SCFD2: variants seen among roughly 807,000 people sequenced by gnomAD.
The protein encoded by SCFD2 is sec1 family domain containing 2.
SCFD2 carries 54 observed loss-of-function variants against 58.9 expected under a neutral mutation model. The ratio of observed to expected loss-of-function variants is 0.92; its 90% confidence interval spans 0.74 to 1.15. SCFD2 has a LOEUF of 1.15. SCFD2 is among the 50% of genes most tolerant of loss of function. The probability of loss-of-function intolerance (pLI) is 0.00; values close to 1 mark genes in which losing one functional copy is unlikely to be tolerated. For synonymous variants in SCFD2, 321 were observed against 335.9 expected (o/e 0.96, Z 0.49); for missense variants, 805 against 836.6 (o/e 0.96, Z 0.47).
intron 5 of SCFD2, among the ~76,000 whole-genome samples, chr4:53,057,557 G>T (rs1274528185): frequency 1.3e-5 from 2 of 152,044 alleles, no homozygotes; most frequent in Admixed American, 6.6e-5. Flanking sequence ...GTTGAGGGGT[G>T]GGGGGTGAGG....
chr4:53,250,459 C>T (rs1384559162), intron 4 of SCFD2, among the ~76,000 whole-genome samples: 9 of 152,164 alleles, frequency 5.9e-5, no homozygotes, highest in Non-Finnish European at 1.3e-4. Context: ...ACCTAATAGA[C>T]ATCTACAGAA....
At chr4:52,904,801 G>C (rs886255254) in intron 7 of SCFD2, among the ~76,000 whole-genome samples, 1 of 152,214 alleles carries the variant, frequency 6.6e-6, no homozygotes, top group Non-Finnish European at 1.5e-5. Flanking sequence ...TTTGGAATAA[G>C]AGTGACCTTG....
chr4:53,178,686 CT>C (rs1727432024), intron 4 of SCFD2, among the ~76,000 whole-genome samples: 1 of 152,040 alleles, frequency 6.6e-6, no homozygotes, highest in Admixed American at 6.6e-5. Context: ...AGCCTTCAGA[CT>C]ATCAAACTAC....
At chr4:53,261,155 T>C (rs1730817033) in intron 4 of SCFD2, among the ~76,000 whole-genome samples, 1 of 152,134 alleles carries the variant, frequency 6.6e-6, no homozygotes, top group African/African-American at 2.4e-5. Context: ...ATCAATTTTA[T>C]CTTTCCAAAG....
At chr4:53,282,561 T>G (rs566572896) in intron 3 of SCFD2, among the ~76,000 whole-genome samples, 1 of 152,274 alleles carries the variant, frequency 6.6e-6, no homozygotes, top group African/African-American at 2.4e-5. Flanking sequence ...TTCACAGAGT[T>G]GTACAACCAT....
intron 5 of SCFD2, among the ~76,000 whole-genome samples, chr4:53,027,311 T>C (rs1025724705): frequency 4.6e-5 from 7 of 151,954 alleles, no homozygotes; most frequent in Non-Finnish European, 7.4e-5. Flanking sequence ...CTGGTCCAGC[T>C]CTGAAGTGTC....
chr4:52,937,167 G>T (rs1222550908), intron 5 of SCFD2, among the ~76,000 whole-genome samples: 1 of 152,226 alleles, frequency 6.6e-6, no homozygotes, highest in Non-Finnish European at 1.5e-5. Context: ...AAACACTACA[G>T]ATACCTGGGG....
intron 5 of SCFD2, among the ~76,000 whole-genome samples, chr4:52,979,986 C>T (rs1290192192): frequency 6.6e-6 from 1 of 152,144 alleles, no homozygotes; most frequent in African/African-American, 2.4e-5. Context: ...CTGCTCAGAG[C>T]CATTGCACAG....
intron 4 of SCFD2, among the ~76,000 whole-genome samples, chr4:53,181,160 G>A (rs967516070): frequency 3.3e-5 from 5 of 152,130 alleles, no homozygotes; most frequent in African/African-American, 9.7e-5. Context: ...ATGTTATGAG[G>A]CCAGCATCAT....
chr4:53,181,058 C>T (rs941283570), intron 4 of SCFD2, among the ~76,000 whole-genome samples: 5 of 152,132 alleles, frequency 3.3e-5, no homozygotes, highest in African/African-American at 9.7e-5. Context: ...GATTCACAGC[C>T]GAATTCCACC....
chr4:53,167,962 T>C (rs1393108228), intron 4 of SCFD2, among the ~76,000 whole-genome samples: 1 of 152,250 alleles, frequency 6.6e-6, no homozygotes, highest in Admixed American at 6.5e-5. Flanking sequence ...CTGGATATTA[T>C]GACGGACCCT....
At chr4:53,344,507 G>A (rs1024453951) in intron 2 of SCFD2, among the ~76,000 whole-genome samples, 6 of 152,124 alleles carry the variant, frequency 3.9e-5, no homozygotes, top group East Asian at 1.9e-4. Flanking sequence ...TCAATATCAC[G>A]AAAATGGCCA....
In SCFD2 at chr4:53,072,229, C is replaced by T. The variant is rs145613524; in HGVS notation, c.1561+73104G>A. Among the ~76,000 whole-genome samples, 286 of 152,212 alleles carry T rather than the reference C, an allele frequency of 1.9e-3. 4 individuals carry two copies. The highest frequency in any genetic ancestry group is 2.8e-3 in the Non-Finnish European group (193 of 68,002). ...AGAGAGAAAGGGTACTGTTAGCAATCCAGGCTCTGGTGTTAGTGATACAGG... is the reference window on the plus strand; with the variant it reads ...AGAGAGAAAGGGTACTGTTAGCAATTCAGGCTCTGGTGTTAGTGATACAGG... On this transcript the variant is annotated intron_variant, in intron 5 of 8. Transcript: ENST00000401642.
rs544883041 is a variant in SCFD2 at position 53,114,147 on chromosome 4, G to A, written c.1561+31186C>T. 1.2e-4 allele frequency among the ~76,000 whole-genome samples: 19 copies of A among 152,026 alleles called. No homozygotes were observed. In the South Asian group the frequency reaches 2.3e-3, roughly 18 times the overall value. ...AGACAATAATTGTACATATCTCATC[G>A]GACTGTCATGAGGATTAAATGAGTT... On this transcript the variant is annotated intron_variant, in intron 5 of 8. Coordinates refer to ENST00000401642, the MANE Select transcript of SCFD2 (RefSeq NM_152540.4).
At chr4:53,282,407 A>G (rs1297205727) in intron 3 of SCFD2, among the ~76,000 whole-genome samples, 3 of 151,958 alleles carry the variant, frequency 2.0e-5, no homozygotes, top group Non-Finnish European at 4.4e-5. Context: ...TCTTTCAACT[A>G]TTGTCTGAAG....
chr4:53,320,914 T>C (rs575486567), intron 2 of SCFD2, among the ~76,000 whole-genome samples: 1 of 152,338 alleles, frequency 6.6e-6, no homozygotes, highest in Admixed American at 6.5e-5. Context: ...TCATTGTAGC[T>C]ACCAGAATAC....
intron 5 of SCFD2, among the ~76,000 whole-genome samples, chr4:52,985,658 A>AT (rs1721472739): frequency 6.6e-6 from 1 of 151,592 alleles, no homozygotes; most frequent in African/African-American, 2.4e-5. Context: ...CCAGATGCAA[A>AT]TTTTTTGCTT....
At chr4:53,249,682 A>G (rs1251090487) in intron 4 of SCFD2, among the ~76,000 whole-genome samples, 1 of 152,234 alleles carries the variant, frequency 6.6e-6, no homozygotes, top group African/African-American at 2.4e-5. Context: ...TTTTCAACCC[A>G]GAATTTCATA....
chr4:52,921,413 C>T (rs890181890), intron 5 of SCFD2, among the ~76,000 whole-genome samples: 1 of 152,140 alleles, frequency 6.6e-6, no homozygotes, highest in South Asian at 2.1e-4. Flanking sequence ...CGGTTTTCTG[C>T]AACCTTCTGT....
Sources: gnomAD v4.1 joint callset for allele counts (sites outside exome capture counted in the v4.1 genomes callset) on GRCh38, gnomAD v4.1.1 for gene constraint, MANE v1.5 for transcripts, NCBI Gene and HGNC (gene_info 2026-07-23, HGNC 2026-07-21) for gene names.